Variants in BRI3 observed in about 807,000 individuals in gnomAD.
BRI3 encodes the protein membrane protein BRI3.
BRI3 carries 6 observed loss-of-function variants against 12.8 expected under a neutral mutation model. The ratio of observed to expected loss-of-function variants is 0.47; its 90% CI spans 0.26 to 0.93. The LOEUF is 0.93. Ranked by LOEUF, BRI3 falls within the 40% of genes least tolerant of loss-of-function variation. The probability of loss-of-function intolerance (pLI) is 0.15; values close to 1 mark genes in which losing one functional copy is unlikely to be tolerated. For missense variants in BRI3, 134 were observed against 171.1 expected (o/e 0.78, Z 1.21); for synonymous variants, 91 against 76.1 (o/e 1.20, Z -1.02).
rs773169822 is a variant in BRI3, at chr7:98,307,986, T to G, written n.616T>G. The G allele has an allele frequency of 2.4e-6, 3 of 1,258,142 alleles. No individual in the cohort carries two copies. In the South Asian group the frequency reaches 3.6e-5, roughly 15 times the overall value. The allele number at this position is 1,258,142 out of a possible 1,614,324, so 77.9% of individuals were successfully genotyped here. ...GAGCAAACCCCAGGAATCCACCTGT[T>G]CTCATCTTGCCAACAATGCTCCTTC... On this transcript the variant is annotated non_coding_transcript_exon_variant, in exon 2 of 2. Transcript: ENST00000485422.
chr7:98,307,552 T>C lies in BRI3; in HGVS notation n.182T>C. On this transcript the variant is annotated non_coding_transcript_exon_variant, in exon 2 of 2. Transcript: ENST00000485422. ...TAGCCTGGGATCGAATAACTTCAGT[T>C]AACTAAACTAGAACTAAACCATAAA... 2.0e-6 allele frequency: 3 copies of C among 1,466,382 alleles called. No individual in the cohort carries two copies. In the East Asian group the frequency reaches 7.4e-5, roughly 36 times the overall value. The allele number at this position is 1,466,382 out of a possible 1,614,324, so 90.8% of individuals were successfully genotyped here.
At chr7:98,307,971 C>T in exon 2 of BRI3, 2 of 1,370,096 alleles carry the variant, frequency 1.5e-6, no homozygotes, top group South Asian at 2.3e-5. Context: ...GAGCAAACCC[C>T]AGGAATCCAC....
Position 98,281,764 on chromosome 7 carries a change from C to T in BRI3, c.-32C>T. On this transcript the variant is annotated 5_prime_UTR_variant, in exon 1 of 3. Coordinates refer to ENST00000297290, the MANE Select transcript of BRI3 (RefSeq NM_015379.5). ...CCCGCCGGGGCCGACCGAGCCGAGC[C>T]GGGCCGGAGCGGCGGGCGCGGCCGG... 1 of 1,039,704 alleles carries T rather than the reference C, an allele frequency of 9.6e-7. No homozygotes were observed. Among genetic ancestry groups the T allele is most frequent in the Non-Finnish European group, 1.2e-6 (1 of 864,290 alleles). The allele number at this position is 1,039,704 out of a possible 1,614,324, so 64.4% of individuals were successfully genotyped here.
chr7:98,315,597 T>G, the BRI3 span: 2 of 1,438,684 alleles, frequency 1.4e-6, no homozygotes, highest in Non-Finnish European at 1.8e-6. Flanking sequence ...TGACGAGAAG[T>G]AACGGTCTCC....
At chr7:98,304,130 A>G (rs1422870332), upstream of BRI3, 3 of 1,465,514 alleles carry the variant, frequency 2.0e-6, no homozygotes, top group Non-Finnish European at 2.7e-6. Flanking sequence ...TCACCACAGG[A>G]CCTGCGCCTC....
chr7:98,308,673 T>G, exon 2 of BRI3: 1 of 231,642 alleles, frequency 4.3e-6, no homozygotes. Context: ...AAAAAATATA[T>G]ATATATGTAT....
chr7:98,289,995 A>G (rs1245771649), intron 2 of BRI3, among the ~76,000 whole-genome samples: 1 of 152,152 alleles, frequency 6.6e-6, no homozygotes, highest in Admixed American at 6.6e-5. Flanking sequence ...TCTCAAAATA[A>G]GTGGCCTTCA....
chr7:98,294,077 A>C (rs779573408), downstream of BRI3: 4 of 1,614,012 alleles, frequency 2.5e-6, no homozygotes, highest in South Asian at 2.2e-5. Context: ...CGCCTACCTG[A>C]GAAAAGGCGG....
chr7:98,287,230 C>A (rs1215295206), intron 2 of BRI3, among the ~76,000 whole-genome samples: 5 of 152,166 alleles, frequency 3.3e-5, no homozygotes, highest in Non-Finnish European at 5.9e-5. Context: ...CTTGGCCCTC[C>A]TACCCTCTCT....
chr7:98,306,921 CCTT>C (rs561265188), intron 1 of BRI3: 249 of 170,020 alleles, frequency 1.5e-3, no homozygotes, highest in African/African-American at 5.5e-3. Context: ...TTGGATTACC[CCTT>C]TTTTTTTCCA....
chr7:98,303,206 G>A (rs1800497950), upstream of BRI3, among the ~76,000 whole-genome samples: 3 of 152,160 alleles, frequency 2.0e-5, no homozygotes, highest in South Asian at 6.2e-4. Flanking sequence ...CGTAGGTCTG[G>A]GGCAGGCACA....
chr7:98,291,596 C>T, downstream of BRI3: 4 of 973,708 alleles, frequency 4.1e-6, no homozygotes, highest in East Asian at 8.1e-5. Flanking sequence ...CCATCGCTCC[C>T]CCGGCCAGTC....
downstream of BRI3, chr7:98,292,565 C>A: frequency 7.0e-7 from 1 of 1,422,340 alleles, no homozygotes; most frequent in Non-Finnish European, 9.7e-7. Flanking sequence ...AGTGCGTAGT[C>A]CTCACATCCA....
intron 2 of BRI3, among the ~76,000 whole-genome samples, chr7:98,284,611 G>A (rs1428708267): frequency 2.0e-5 from 3 of 152,226 alleles, no homozygotes; most frequent in Admixed American, 1.3e-4. Flanking sequence ...AGCCCGCCGG[G>A]CTCTGTCCCC....
At chr7:98,292,542 G>A, downstream of BRI3, 1 of 1,193,270 alleles carries the variant, frequency 8.4e-7, no homozygotes. Flanking sequence ...CCAGCCCCGG[G>A]CTCAGGGCAG....
downstream of BRI3, chr7:98,292,391 TAG>T (rs1800002547): frequency 1.0e-5 from 5 of 488,436 alleles, no homozygotes; most frequent in Non-Finnish European, 1.5e-5. Context: ...GTATTTTTAG[TAG>T]AGACTCCTGA....
At chr7:98,297,733 G>A (rs12704983), downstream of BRI3, among the ~76,000 whole-genome samples, 61,137 of 152,130 alleles carry the variant, frequency 0.4, 13,412 homozygotes, top group Middle Eastern at 0.54. Context: ...TTTGGAAGCC[G>A]AGGCACCCAT....
At chr7:98,312,112 G>C (rs554904041), downstream of BRI3, 4 of 1,603,142 alleles carry the variant, frequency 2.5e-6, no homozygotes, top group South Asian at 3.4e-5. Flanking sequence ...TGCTTCTCTC[G>C]ATCATGGGTG....
At chr7:98,304,404 G>A (rs771000077), upstream of BRI3, 2 of 1,610,660 alleles carry the variant, frequency 1.2e-6, no homozygotes, top group East Asian at 2.2e-5. Flanking sequence ...CACAGCACGT[G>A]TTAGATAATG....
Sources: gnomAD v4.1 joint callset for allele counts (sites outside exome capture counted in the v4.1 genomes callset) on GRCh38, gnomAD v4.1.1 for gene constraint, MANE v1.5 for transcripts, NCBI Gene and HGNC (gene_info 2026-07-23, HGNC 2026-07-21) for gene names.